The following CBFA2T3 variants were observed in gnomAD, a reference collection of about 807,000 sequenced individuals.
CBFA2T3 encodes the protein CBFA2/RUNX1 partner transcriptional co-repressor 3, also known as transcriptional corepressor CBFA2T3.
CBFA2T3 carries 31 observed loss-of-function variants against 58.6 expected under a neutral mutation model. The observed-to-expected ratio is 0.53, with a 90% confidence interval of 0.40 to 0.71. The LOEUF (loss-of-function observed/expected upper bound fraction) is 0.71, where lower values mean the gene tolerates loss of function less well. Among genes scored for constraint, CBFA2T3 ranks in the 30% least tolerant of loss-of-function variants. The pLI is 0.00. For missense variants in CBFA2T3, 1,076 were observed against 963.1 expected, an observed-to-expected ratio of 1.12 and a Z score of -1.55; for synonymous variants, 531 against 421.9, an observed-to-expected ratio of 1.26 and a Z score of -3.17.
At chr16:88,959,337 G>A (rs1295196655) in intron 1 of CBFA2T3, among the ~76,000 whole-genome samples, 1 of 152,216 alleles carries the variant, frequency 6.6e-6, no homozygotes, top group Non-Finnish European at 1.5e-5. Context: ...GCGGGAGAGA[G>A]TTGAAGTAGT....
intron 1 of CBFA2T3, among the ~76,000 whole-genome samples, chr16:88,947,452 C>G (rs1971931936): frequency 1.3e-5 from 2 of 152,192 alleles, no homozygotes; most frequent in Admixed American, 6.5e-5. Flanking sequence ...GTTTGAAAGT[C>G]TTTTGATTCC....
rs1972127359 is a variant in CBFA2T3, at chr16:88,953,302, C to A, written c.151+23355G>T. 6.6e-6 allele frequency among the ~76,000 whole-genome samples: 1 copy of A among 152,214 alleles called. No homozygotes were observed. Among genetic ancestry groups the A allele is most frequent in the Non-Finnish European group, 1.5e-5 (1 of 68,038 alleles). On this transcript the variant is annotated intron_variant, in intron 1 of 11. Coordinates refer to ENST00000268679, the MANE Select transcript of CBFA2T3 (RefSeq NM_005187.6). This position sits in a 1 kb window ranked among gnomAD's most constrained non-coding sequence, Gnocchi z 4.9. ...TTCCAGGGCCTGCGGGGCTGACAGG[C>A]ACACAGCCAGTGGTGAAGGTTCACG... is the stretch of plus-strand genomic sequence containing the variant.
intron 1 of CBFA2T3, among the ~76,000 whole-genome samples, chr16:88,906,670 T>C (rs998054766): frequency 6.6e-6 from 1 of 152,198 alleles, no homozygotes; most frequent in Non-Finnish European, 1.5e-5. Flanking sequence ...GCCCCAGGCC[T>C]ATTCTCAGCA....
intron 1 of CBFA2T3, among the ~76,000 whole-genome samples, chr16:88,927,127 G>A (rs918425026): frequency 2.6e-5 from 4 of 152,212 alleles, no homozygotes; most frequent in African/African-American, 9.6e-5. Flanking sequence ...TCTGCCAGAC[G>A]GAGCAGCAGC....
intron 11 of CBFA2T3, among the ~76,000 whole-genome samples, chr16:88,878,976 C>G (rs770363352): frequency 6.6e-6 from 1 of 152,212 alleles, no homozygotes. Flanking sequence ...AACCTGGGCT[C>G]GAGTCCTGGC....
At chr16:88,916,220 A>G (rs1481690799) in intron 1 of CBFA2T3, among the ~76,000 whole-genome samples, 1 of 126,640 alleles carries the variant, frequency 7.9e-6, no homozygotes, top group Non-Finnish European at 1.7e-5. Flanking sequence ...ACTTACATAT[A>G]CATGTGGGTG....
intron 5 of CBFA2T3, chr16:88,886,777 T>C (rs1431584955): frequency 6.6e-6 from 1 of 152,316 alleles, no homozygotes; most frequent in Non-Finnish European, 1.5e-5. Flanking sequence ...CCACGTTCTG[T>C]GGCTGCTCAA....
intron 3 of CBFA2T3, among the ~76,000 whole-genome samples, chr16:88,895,985 T>C (rs1409020340): frequency 6.6e-6 from 1 of 152,172 alleles, no homozygotes; most frequent in Non-Finnish European, 1.5e-5. Flanking sequence ...ACCTCCTTTG[T>C]ACTGTGTGTC....
intron 1 of CBFA2T3, among the ~76,000 whole-genome samples, chr16:88,973,436 G>A (rs954536870): frequency 6.6e-5 from 10 of 152,170 alleles, no homozygotes; most frequent in African/African-American, 1.4e-4. Flanking sequence ...TCCAGCCTGC[G>A]GCACTGTGAG....
chr16:88,894,262 T>C (rs868773839), intron 3 of CBFA2T3, among the ~76,000 whole-genome samples: 360 of 10,792 alleles, frequency 0.033, 8 homozygotes, highest in African/African-American at 0.15. Context: ...ATGCACACAA[T>C]GTACACACAT....
Position 88,879,311 on chromosome 16 carries a change from C to G in CBFA2T3, c.1621G>C (p.Asp541His), listed in dbSNP as rs1435478813. The G allele has an allele frequency of 1.2e-6, 2 of 1,609,254 alleles. No individual in the cohort carries two copies. Among genetic ancestry groups the G allele is most frequent in the Middle Eastern group, 1.7e-4 (1 of 6,042 alleles). The change falls in exon 11 of 12, where the codon GAC (aspartate) becomes CAC (histidine). Residue 541 changes from aspartate (D) to histidine (H), a missense_variant. By Grantham distance (81) the Asp-to-His change is moderately conservative. Coordinates refer to ENST00000268679, the MANE Select transcript of CBFA2T3 (RefSeq NM_005187.6). ...LAEAKRQASE[D>H]ALTVINQQED... ...TGCTGGTTGATGACCGTCAGGGCGT[C>G]CTCGGAGGCCTGCCGCTTCGCCTCG...
chr16:88,912,645 C>T (rs76795208), intron 1 of CBFA2T3, among the ~76,000 whole-genome samples: 6,757 of 152,276 alleles, frequency 0.044, 420 homozygotes, highest in African/African-American at 0.13. Flanking sequence ...CGCCCGTCTC[C>T]CCCAGGGCAG....
chr16:88,976,591 T>C (rs1972866948), intron 1 of CBFA2T3, 66 bp downstream of exon 1: 3 of 1,263,076 alleles, frequency 2.4e-6, no homozygotes, highest in Non-Finnish European at 3.3e-6. Flanking sequence ...CTCTAAGGAG[T>C]CACAGCCCCG....
chr16:88,925,405 C>A (rs1158445367), intron 1 of CBFA2T3, among the ~76,000 whole-genome samples: 1 of 152,142 alleles, frequency 6.6e-6, no homozygotes, highest in Non-Finnish European at 1.5e-5. Context: ...TGCAGGGGGC[C>A]AGGGGGTGGT....
At chr16:88,955,953 C>T (rs950183321) in intron 1 of CBFA2T3, among the ~76,000 whole-genome samples, 96 of 147,160 alleles carry the variant, frequency 6.5e-4, no homozygotes, top group Admixed American at 5.0e-3. Flanking sequence ...AGGCTCCTGA[C>T]CCCAGCCAAG....
intron 1 of CBFA2T3, 120 bp from the exon 2 acceptor site, chr16:88,901,776 T>C: frequency 1.2e-6 from 1 of 845,544 alleles, no homozygotes; most frequent in East Asian, 3.4e-5. Flanking sequence ...TGGGGCAGTC[T>C]GCCCCAGGTG....
chr16:88,919,247 G>A (rs1195157612), intron 1 of CBFA2T3, among the ~76,000 whole-genome samples: 3 of 152,010 alleles, frequency 2.0e-5, no homozygotes, highest in South Asian at 2.1e-4. Flanking sequence ...GTGAGGTCCC[G>A]TTCCAGCCAA....
chr16:88,964,939 TCCATC>T (rs1972459966), intron 1 of CBFA2T3, among the ~76,000 whole-genome samples: 1 of 148,954 alleles, frequency 6.7e-6, no homozygotes, highest in South Asian at 2.2e-4. Context: ...CATCCATCCA[TCCATC>T]CATCCATCTA....
intron 1 of CBFA2T3, among the ~76,000 whole-genome samples, chr16:88,960,858 T>G (rs924332049): frequency 4.6e-5 from 7 of 152,214 alleles, no homozygotes; most frequent in Admixed American, 1.3e-4. Context: ...CACAGGGAGG[T>G]CTGCCAGATT....
Sources: allele counts gnomAD v4.1 joint callset (sites outside exome capture counted in the v4.1 genomes callset), GRCh38; gene constraint gnomAD v4.1.1; non-coding constraint Gnocchi (gnomAD v3.1); transcripts MANE v1.5; gene names NCBI Gene and HGNC (gene_info 2026-07-23, HGNC 2026-07-21).